Variants in TOX observed in about 807,000 individuals in gnomAD.
The protein encoded by TOX is thymocyte selection associated high mobility group box, also known as thymocyte selection-associated high mobility group box protein TOX.
In TOX, 11 loss-of-function variants were observed where a neutral mutation model predicts 53.7. The observed-to-expected ratio is 0.20, with a 90% CI of 0.13 to 0.34. The LOEUF (loss-of-function observed/expected upper bound fraction) is 0.34, where lower values mean the gene tolerates loss of function less well. TOX is among the 10% of genes least tolerant of loss of function. The pLI is 1.00. For missense variants in TOX, 570 were observed against 664.6 expected, an observed-to-expected ratio of 0.86 and a Z score of 1.56; for synonymous variants, 225 against 245.3, an observed-to-expected ratio of 0.92 and a Z score of 0.77.
chr8:59,109,051 G>A (rs1804965671), intron 1 of TOX, among the ~76,000 whole-genome samples: 1 of 152,072 alleles, frequency 6.6e-6, no homozygotes, highest in South Asian at 2.1e-4. Flanking sequence ...ACCATATCAG[G>A]TCTACAAACT....
chr8:58,859,698 T>G (rs1474279425), intron 3 of TOX, among the ~76,000 whole-genome samples: 1 of 152,178 alleles, frequency 6.6e-6, no homozygotes, highest in Non-Finnish European at 1.5e-5. Context: ...ACCATCTCAC[T>G]CCTTTACACT....
chr8:58,807,757 T>C lies in TOX; in HGVS notation c.1571A>G (p.Tyr524Cys). The change falls in exon 9 of 9, where the codon TAC (tyrosine) becomes TGC (cysteine). Residue 524 changes from tyrosine (Y) to cysteine (C), a missense_variant. Coordinates refer to ENST00000361421, the MANE Select transcript of TOX (RefSeq NM_014729.3). ...SGGMQRDKALYLT is the reference protein window; with the variant it reads ...SGGMQRDKALCLT ...GAGGTGTTCAGATTCTCAAGTAAGGTACAGTGCTTTGTCCCTCTGCATGCC... is the reference window on the plus strand; with the variant it reads ...GAGGTGTTCAGATTCTCAAGTAAGGCACAGTGCTTTGTCCCTCTGCATGCC... 1 of 1,614,102 alleles carries C rather than the reference T, an allele frequency of 6.2e-7. No homozygotes were observed. Among genetic ancestry groups the C allele is most frequent in the Non-Finnish European group, 8.5e-7 (1 of 1,179,964 alleles).
At chr8:59,107,277 A>T (rs1804930870) in intron 1 of TOX, among the ~76,000 whole-genome samples, 1 of 152,196 alleles carries the variant, frequency 6.6e-6, no homozygotes, top group Admixed American at 6.5e-5. Context: ...TTATGCACAT[A>T]AATTCTTTCC....
chr8:59,081,371 G>A (rs1213269174), intron 1 of TOX, among the ~76,000 whole-genome samples: 1 of 152,094 alleles, frequency 6.6e-6, no homozygotes, highest in Non-Finnish European at 1.5e-5. Context: ...GTGTATAAAG[G>A]GAGTTTTCAA....
chr8:59,012,357 G>T (rs753598039), intron 1 of TOX, among the ~76,000 whole-genome samples: 6 of 151,842 alleles, frequency 4.0e-5, no homozygotes, highest in Non-Finnish European at 7.4e-5. Context: ...CCACGAGGGG[G>T]TGTTGGGGAG....
intron 5 of TOX, among the ~76,000 whole-genome samples, chr8:58,830,308 T>G (rs1810431509): frequency 6.6e-6 from 1 of 152,186 alleles, no homozygotes; most frequent in Non-Finnish European, 1.5e-5. Context: ...ATATCCCATC[T>G]AAGGATTGCA....
At chr8:59,105,948 T>C (rs1170699717) in intron 1 of TOX, among the ~76,000 whole-genome samples, 1 of 152,162 alleles carries the variant, frequency 6.6e-6, no homozygotes, top group East Asian at 1.9e-4. Flanking sequence ...CTTTAAAATC[T>C]CACATGTACC....
intron 7 of TOX, among the ~76,000 whole-genome samples, chr8:58,809,344 A>G (rs1242136487): frequency 1.3e-5 from 2 of 152,228 alleles, no homozygotes; most frequent in Non-Finnish European, 1.5e-5. Context: ...TGACAGGAGG[A>G]TTGATTTTTA....
At chr8:59,001,870 T>C (rs1237716399) in intron 1 of TOX, among the ~76,000 whole-genome samples, 1 of 151,820 alleles carries the variant, frequency 6.6e-6, no homozygotes, top group Non-Finnish European at 1.5e-5. Context: ...ATAGGAGAAA[T>C]GTCTTATAAA....
chr8:58,921,555 C>T (rs912278171), intron 3 of TOX, among the ~76,000 whole-genome samples: 4 of 152,108 alleles, frequency 2.6e-5, no homozygotes, highest in Non-Finnish European at 5.9e-5. Context: ...TTTCTAATAA[C>T]CCCAAAATGA....
intron 1 of TOX, among the ~76,000 whole-genome samples, chr8:59,086,078 G>A (rs1248207500): frequency 1.3e-5 from 2 of 148,150 alleles, no homozygotes; most frequent in East Asian, 2.0e-4. Flanking sequence ...CTCCGCCTGT[G>A]GGGTTCAAGT....
chr8:59,052,819 T>C (rs535946729), intron 1 of TOX, among the ~76,000 whole-genome samples: 1 of 152,286 alleles, frequency 6.6e-6, no homozygotes, highest in East Asian at 1.9e-4. Context: ...TTAAAGCTGT[T>C]AATACTTGCA....
chr8:59,036,081 G>T (rs1224896631), intron 1 of TOX, among the ~76,000 whole-genome samples: 1 of 152,174 alleles, frequency 6.6e-6, no homozygotes, highest in East Asian at 1.9e-4. Context: ...TGTTCCCCTA[G>T]CAGTTGTATT....
intron 1 of TOX, among the ~76,000 whole-genome samples, chr8:59,077,247 T>G (rs1024180101): frequency 2.0e-5 from 3 of 152,242 alleles, no homozygotes; most frequent in Non-Finnish European, 4.4e-5. Flanking sequence ...TAGGAGTGCA[T>G]GCTCTTTATT....
At chr8:59,085,704 A>G (rs926783698) in intron 1 of TOX, among the ~76,000 whole-genome samples, 20 of 152,220 alleles carry the variant, frequency 1.3e-4, no homozygotes, top group Admixed American at 1.1e-3. Flanking sequence ...TGAAATTTTC[A>G]ATTTTATTTT....
chr8:59,089,144 T>C (rs568562475), intron 1 of TOX, among the ~76,000 whole-genome samples: 23 of 152,340 alleles, frequency 1.5e-4, no homozygotes, highest in Non-Finnish European at 2.4e-4. Flanking sequence ...ATGCTGATAA[T>C]AGACCTAGCA....
intron 6 of TOX, among the ~76,000 whole-genome samples, chr8:58,818,564 A>G (rs927621020): frequency 2.6e-5 from 4 of 152,152 alleles, no homozygotes; most frequent in South Asian, 2.1e-4. Flanking sequence ...CCACGCATCT[A>G]CCATAGTGCA....
chr8:59,089,934 G>T (rs918427888), intron 1 of TOX, among the ~76,000 whole-genome samples: 1 of 152,196 alleles, frequency 6.6e-6, no homozygotes, highest in African/African-American at 2.4e-5. Flanking sequence ...AGGAACTTAA[G>T]GCTTTATGGC....
chr8:59,114,573 G>A (rs1805069467), intron 1 of TOX, among the ~76,000 whole-genome samples: 3 of 152,134 alleles, frequency 2.0e-5, no homozygotes, highest in Admixed American at 2.0e-4. Flanking sequence ...TTATATATAT[G>A]TGATGTATGA....
Sources: gnomAD v4.1 joint callset for allele counts (sites outside exome capture counted in the v4.1 genomes callset) on GRCh38, gnomAD v4.1.1 for gene constraint, MANE v1.5 for transcripts, NCBI Gene and HGNC (gene_info 2026-07-23, HGNC 2026-07-21) for gene names.